RUNX3: variants seen among roughly 807,000 people sequenced by gnomAD.
RUNX3 encodes RUNX family transcription factor 3, also known as runt-related transcription factor 3.
A neutral mutation model predicts 27.7 loss-of-function variants in RUNX3; 10 were observed. That is an observed-to-expected ratio of 0.36 (90% CI 0.22 to 0.61). The LOEUF (loss-of-function observed/expected upper bound fraction) is 0.61. Ranked by LOEUF, RUNX3 falls within the 20% of genes least tolerant of loss-of-function variation. The pLI, the probability that RUNX3 is intolerant of heterozygous loss-of-function variation, is 0.72. For missense variants in RUNX3, 469 were observed against 629.5 expected (o/e 0.75, Z 2.73); for synonymous variants, 270 against 269.2 (o/e 1.00, Z -0.03).
intron 3 of RUNX3, among the ~76,000 whole-genome samples, chr1:24,908,430 T>C (rs1255446294): frequency 6.6e-6 from 1 of 152,080 alleles, no homozygotes; most frequent in African/African-American, 2.4e-5. Context: ...GAGGATCAGT[T>C]GAACCCAGGA....
chr1:24,942,825 C>A (rs1024311666), intron 2 of RUNX3, among the ~76,000 whole-genome samples: 1 of 152,322 alleles, frequency 6.6e-6, no homozygotes, highest in African/African-American at 2.4e-5. Flanking sequence ...AATGCCAGGA[C>A]CTGACCCGGG....
Position 24,906,919 on chromosome 1 carries a change from C to T in RUNX3, c.703+340G>A, listed in dbSNP as rs115007209. Among the ~76,000 whole-genome samples the T allele has an allele frequency of 4.5e-3, 691 of 152,304 alleles. 5 individuals carry two copies. The highest frequency in any genetic ancestry group is 0.024 in the South Asian group (117 of 4,830). ...GTACATGGCAGGGGCGAGTCTGTCA[C>T]GGCTCCTTGGACAAGTCATGCCCCA... On this transcript the variant is annotated intron_variant, in intron 4 of 4. Transcript: ENST00000308873.
chr1:24,964,500 C>A, intron 2 of RUNX3: 1 of 1,603,614 alleles, frequency 6.2e-7, no homozygotes. Context: ...GGGCCCTGGG[C>A]TATTGTTACT....
intron 2 of RUNX3, among the ~76,000 whole-genome samples, chr1:24,938,956 G>A (rs1336595780): frequency 6.6e-6 from 1 of 152,146 alleles, no homozygotes; most frequent in Non-Finnish European, 1.5e-5. Flanking sequence ...TTTTGTTACA[G>A]CGACACAGAG....
chr1:24,919,925 C>T (rs1012556178), intron 2 of RUNX3, among the ~76,000 whole-genome samples: 1 of 151,916 alleles, frequency 6.6e-6, no homozygotes, highest in African/African-American at 2.4e-5. Flanking sequence ...CACTTTCCCA[C>T]GTCATTAAAA....
chr1:24,953,141 C>T (rs544848049), intron 2 of RUNX3, among the ~76,000 whole-genome samples: 9 of 151,948 alleles, frequency 5.9e-5, no homozygotes, highest in African/African-American at 1.4e-4. Context: ...CTGAGGCGGG[C>T]GGATCACGAG....
Position 24,943,076 on chromosome 1 carries a change from G to C in RUNX3, c.59-13224C>G, listed in dbSNP as rs1035211932. On this transcript the variant is annotated intron_variant, in intron 2 of 6. Transcript: ENST00000338888. The surrounding 1 kb of genome is among the most constrained non-coding windows in gnomAD (Gnocchi z 4.6). ...CTGATTGGAACAAGGTGGCAGCACC[G>C]GGAGCCGAGCCGGGTGTCATTGATC... Among the ~76,000 whole-genome samples, 1 of 152,246 alleles carries C rather than the reference G, an allele frequency of 6.6e-6. No homozygotes were observed. Among genetic ancestry groups the C allele is most frequent in the Non-Finnish European group, 1.5e-5 (1 of 68,040 alleles).
intron 2 of RUNX3, among the ~76,000 whole-genome samples, chr1:24,950,606 C>T (rs571424739): frequency 1.3e-5 from 2 of 152,124 alleles, no homozygotes; most frequent in Non-Finnish European, 2.9e-5. Flanking sequence ...GGTGGCTGGG[C>T]GTGGGGTGGA....
chr1:24,927,783 T>A lies in RUNX3; in HGVS notation c.283-53A>T. The A allele has an allele frequency of 6.4e-7, 1 of 1,556,508 alleles. No homozygotes were observed. Among genetic ancestry groups the A allele is most frequent in the Non-Finnish European group, 8.8e-7 (1 of 1,130,138 alleles). ...GGGGACAGCTTAGAAAGGAAGAGGGTGACCAGGGAAAGGAGGGGAGGGGCT... is the reference window on the plus strand; with the variant it reads ...GGGGACAGCTTAGAAAGGAAGAGGGAGACCAGGGAAAGGAGGGGAGGGGCT... On this transcript the variant is annotated intron_variant, in intron 1 of 4. Transcript: ENST00000308873. The surrounding 1 kb of genome is among the most constrained non-coding windows in gnomAD (Gnocchi z 5.0).
At chr1:24,959,110 T>C (rs1642030414) in intron 2 of RUNX3, among the ~76,000 whole-genome samples, 1 of 152,208 alleles carries the variant, frequency 6.6e-6, no homozygotes, top group African/African-American at 2.4e-5. Flanking sequence ...CAGGCTCTGC[T>C]TATCCGTCTC....
At chr1:24,909,162 C>T (rs532014406) in intron 3 of RUNX3, among the ~76,000 whole-genome samples, 1 of 152,314 alleles carries the variant, frequency 6.6e-6, no homozygotes, top group East Asian at 1.9e-4. Context: ...CCGAGGGACA[C>T]TTCTGGAGTG....
At chr1:24,957,937 C>T (rs1202928911) in intron 2 of RUNX3, among the ~76,000 whole-genome samples, 1 of 152,244 alleles carries the variant, frequency 6.6e-6, no homozygotes, top group South Asian at 2.1e-4. Context: ...TTCCTTTATC[C>T]CTGGGAGCCA....
rs1011511751 is a variant in RUNX3 at position 24,943,700 on chromosome 1, T to G, written c.59-13848A>C. ...TGCTGGGGCCCAGGGGAGTCCAAAG[T>G]CAGGACTCATTCTTCCCCCAGGTCA... On this transcript the variant is annotated intron_variant, in intron 2 of 6. Coordinates refer to the RUNX3 transcript ENST00000338888. This position sits in a 1 kb window ranked among gnomAD's most constrained non-coding sequence, Gnocchi z 4.6. 2.6e-5 allele frequency among the ~76,000 whole-genome samples: 4 copies of G among 152,080 alleles called. No homozygotes were observed. The highest frequency in any genetic ancestry group is 9.7e-5 in the African/African-American group (4 of 41,400).
intron 2 of RUNX3, among the ~76,000 whole-genome samples, chr1:24,941,377 G>A (rs566035866): frequency 6.6e-6 from 1 of 152,318 alleles, no homozygotes; most frequent in East Asian, 1.9e-4. Flanking sequence ...AACCTCACCC[G>A]AGGAGCCAGG....
intron 3 of RUNX3, among the ~76,000 whole-genome samples, chr1:24,908,074 GAACCTCTAC>G: frequency 8.6e-6 from 1 of 116,320 alleles, no homozygotes; most frequent in African/African-American, 3.2e-5. Context: ...ACGGTGATCC[GAACCTCTAC>G]GACACGCGGT....
At chr1:24,933,020 G>A (rs1011247408), upstream of RUNX3, among the ~76,000 whole-genome samples, 3 of 152,198 alleles carry the variant, frequency 2.0e-5, no homozygotes, top group African/African-American at 7.2e-5. Flanking sequence ...AAGGGGATTC[G>A]TCTCCCTCTG....
Position 24,923,420 on chromosome 1 carries a change from G to C in RUNX3, c.440-4076C>G, listed in dbSNP as rs546656050. The stretch of plus-strand genomic sequence containing the variant: ...ATCCATCCCTCTCTCTCAGCCTCTA[G>C]ATATAACTCTGTGCAGGAGTCCCAG... On this transcript the variant is annotated intron_variant, in intron 2 of 4. Transcript: ENST00000308873. This position sits in a 1 kb window ranked among gnomAD's most constrained non-coding sequence, Gnocchi z 5.9. Among the ~76,000 whole-genome samples the C allele has an allele frequency of 6.6e-6, 1 of 152,318 alleles. No homozygotes were observed. Among genetic ancestry groups the C allele is most frequent in the East Asian group, 1.9e-4 (1 of 5,178 alleles).
intron 2 of RUNX3, among the ~76,000 whole-genome samples, chr1:24,960,620 T>G (rs1642084625): frequency 6.6e-6 from 1 of 152,004 alleles, no homozygotes; most frequent in Non-Finnish European, 1.5e-5. Flanking sequence ...CTGGTGAGTG[T>G]TTGCCTGTGG....
Position 24,927,788 on chromosome 1 carries a change from A to C in RUNX3, c.283-58T>G, listed in dbSNP as rs1641128678. 7.2e-7 allele frequency: 1 copy of C among 1,380,450 alleles called. No homozygotes were observed. Among genetic ancestry groups the C allele is most frequent in the Non-Finnish European group, 1.0e-6 (1 of 988,196 alleles). 85.5% of individuals were successfully genotyped at this position (1,380,450 alleles called of 1,614,324 possible). ...CAGCTTAGAAAGGAAGAGGGTGACCAGGGAAAGGAGGGGAGGGGCTGGGCT... is the reference window on the plus strand; with the variant it reads ...CAGCTTAGAAAGGAAGAGGGTGACCCGGGAAAGGAGGGGAGGGGCTGGGCT... On this transcript the variant is annotated intron_variant, in intron 1 of 4. Transcript: ENST00000308873. The surrounding 1 kb of genome is among the most constrained non-coding windows in gnomAD (Gnocchi z 5.0).
Sources: gnomAD v4.1 joint callset for allele counts (sites outside exome capture counted in the v4.1 genomes callset) on GRCh38, gnomAD v4.1.1 for gene constraint, Gnocchi (gnomAD v3.1) non-coding constraint, MANE v1.5 for transcripts, NCBI Gene and HGNC (gene_info 2026-07-23, HGNC 2026-07-21) for gene names.